ROBO1: variants seen among roughly 807,000 people sequenced by gnomAD.
ROBO1 encodes roundabout homolog 1.
Under a neutral mutation model 195.9 loss-of-function variants are expected in ROBO1, and 149 were observed. That is an observed-to-expected ratio of 0.76 (90% CI 0.67 to 0.87). The LOEUF is 0.87. Among genes scored for constraint, ROBO1 ranks in the 40% least tolerant of loss-of-function variants. ROBO1 has a pLI of 0.00. For missense variants in ROBO1, 1,933 were observed against 2,068.3 expected (o/e 0.93, Z 1.27); for synonymous variants, 816 against 733.2 (o/e 1.11, Z -1.82).
chr3:79,690,973 A>G (rs1014581109), intron 1 of ROBO1, among the ~76,000 whole-genome samples: 1 of 151,932 alleles, frequency 6.6e-6, no homozygotes, highest in Non-Finnish European at 1.5e-5. Context: ...CACTTTACAT[A>G]TATAATTTAT....
chr3:78,930,424 G>C (rs2039450262), intron 4 of ROBO1, among the ~76,000 whole-genome samples: 1 of 152,114 alleles, frequency 6.6e-6, no homozygotes, highest in South Asian at 2.1e-4. Flanking sequence ...TGGGAAAGGG[G>C]GGCCCTAAGC....
intron 11 of ROBO1, among the ~76,000 whole-genome samples, chr3:78,669,305 C>G (rs1053803972): frequency 1.1e-4 from 17 of 152,188 alleles, no homozygotes; most frequent in African/African-American, 4.1e-4. Flanking sequence ...ATTGCAGGAA[C>G]CAAGTCACAA....
intron 4 of ROBO1, among the ~76,000 whole-genome samples, chr3:78,926,822 G>A (rs993879070): frequency 1.3e-5 from 2 of 152,098 alleles, no homozygotes; most frequent in Non-Finnish European, 2.9e-5. Flanking sequence ...TCAGCCAGAT[G>A]AATAAGAGGA....
At chr3:79,114,695 C>A (rs2079958142) in intron 3 of ROBO1, among the ~76,000 whole-genome samples, 1 of 152,178 alleles carries the variant, frequency 6.6e-6, no homozygotes. Context: ...TCAGGACATT[C>A]TCTCCAAAGT....
intron 4 of ROBO1, among the ~76,000 whole-genome samples, chr3:78,772,791 A>T (rs990679571): frequency 1.3e-5 from 2 of 152,038 alleles, no homozygotes; most frequent in African/African-American, 4.8e-5. Flanking sequence ...ATCTCATTTA[A>T]TCCTCACAAG....
intron 2 of ROBO1, among the ~76,000 whole-genome samples, chr3:79,294,218 C>T (rs575381880): frequency 6.6e-5 from 10 of 151,984 alleles, no homozygotes; most frequent in Non-Finnish European, 1.5e-5. Flanking sequence ...GTTACAGTAA[C>T]CAAAACAGCA....
At chr3:78,657,441 G>C (rs1233062755) in intron 17 of ROBO1, among the ~76,000 whole-genome samples, 172 bp from the exon 18 acceptor site, 1 of 152,048 alleles carries the variant, frequency 6.6e-6, no homozygotes, top group Non-Finnish European at 1.5e-5. Context: ...ACAATCTTCT[G>C]GTCAAGTTTA....
chr3:79,613,254 T>C (rs1294494865), intron 1 of ROBO1, among the ~76,000 whole-genome samples: 1 of 152,074 alleles, frequency 6.6e-6, no homozygotes, highest in Admixed American at 6.6e-5. Context: ...AGGGTTAACA[T>C]TGTTTTGTCT....
chr3:78,737,522 G>C (rs1260583629), intron 5 of ROBO1, among the ~76,000 whole-genome samples: 1 of 152,020 alleles, frequency 6.6e-6, no homozygotes, highest in Non-Finnish European at 1.5e-5. Flanking sequence ...AACTAATCTA[G>C]GTATGATTAG....
chr3:79,062,300 A>G (rs2078933561), intron 3 of ROBO1, among the ~76,000 whole-genome samples: 1 of 152,190 alleles, frequency 6.6e-6, no homozygotes, highest in Non-Finnish European at 1.5e-5. Flanking sequence ...AAAATGAGAT[A>G]CCTTCTCACT....
chr3:79,325,381 T>C (rs2109145453), intron 2 of ROBO1, among the ~76,000 whole-genome samples: 1 of 152,306 alleles, frequency 6.6e-6, no homozygotes, highest in South Asian at 2.1e-4. Flanking sequence ...CAGTACACTC[T>C]GAGGAAAGTA....
chr3:79,291,086 C>T (rs2032215967), intron 2 of ROBO1, among the ~76,000 whole-genome samples: 2 of 152,122 alleles, frequency 1.3e-5, no homozygotes, highest in African/African-American at 4.8e-5. Flanking sequence ...AATTAATGTC[C>T]TCAATATATC....
intron 8 of ROBO1, among the ~76,000 whole-genome samples, chr3:78,690,547 T>C (rs1421908274): frequency 6.6e-6 from 1 of 152,084 alleles, no homozygotes; most frequent in African/African-American, 2.4e-5. Flanking sequence ...GGCGAGGGCA[T>C]CACTGCTTGG....
intron 4 of ROBO1, among the ~76,000 whole-genome samples, chr3:78,850,765 T>C (rs1300836809): frequency 6.6e-6 from 1 of 152,090 alleles, no homozygotes; most frequent in Non-Finnish European, 1.5e-5. Flanking sequence ...TGCAGTAAAT[T>C]ACACCTGTTA....
At chr3:79,067,489 G>C (rs1198517449) in intron 3 of ROBO1, among the ~76,000 whole-genome samples, 1 of 151,936 alleles carries the variant, frequency 6.6e-6, no homozygotes, top group Admixed American at 6.6e-5. Flanking sequence ...GTAAGATTCT[G>C]AGTCTGTCAA....
intron 3 of ROBO1, among the ~76,000 whole-genome samples, chr3:78,961,225 C>A (rs1000337559): frequency 6.6e-6 from 1 of 152,006 alleles, no homozygotes; most frequent in Non-Finnish European, 1.5e-5. Flanking sequence ...CTACCAAATA[C>A]AACAATTGTA....
At chr3:79,581,525 G>T (rs1475803493) in intron 2 of ROBO1, among the ~76,000 whole-genome samples, 2 of 152,108 alleles carry the variant, frequency 1.3e-5, no homozygotes, top group Non-Finnish European at 2.9e-5. Flanking sequence ...CACATTAGAA[G>T]ACCAAGGCTA....
At chr3:79,224,991 G>T (rs1228701105) in intron 2 of ROBO1, among the ~76,000 whole-genome samples, 1 of 152,176 alleles carries the variant, frequency 6.6e-6, no homozygotes, top group Non-Finnish European at 1.5e-5. Flanking sequence ...ACTTTCTGTG[G>T]AAGCTCCTCA....
chr3:79,297,857 A>G (rs2032675232), intron 2 of ROBO1, among the ~76,000 whole-genome samples: 1 of 152,204 alleles, frequency 6.6e-6, no homozygotes, highest in South Asian at 2.1e-4. Context: ...CAACTTTACC[A>G]TATCACCTCT....
Sources: allele counts gnomAD v4.1 joint callset (sites outside exome capture counted in the v4.1 genomes callset), GRCh38; gene constraint gnomAD v4.1.1; transcripts MANE v1.5; gene names NCBI Gene and HGNC (gene_info 2026-07-23, HGNC 2026-07-21).